Variants in GLDC observed in about 807,000 individuals in gnomAD.
The protein encoded by GLDC is glycine decarboxylase, also known as glycine dehydrogenase (decarboxylating), mitochondrial.
In GLDC, 104 loss-of-function variants were observed where a neutral mutation model predicts 121.3. That is an observed-to-expected ratio of 0.86 (90% CI 0.73 to 1.01). GLDC has a LOEUF of 1.01. Ranked by LOEUF, GLDC falls within the 50% of genes least tolerant of loss-of-function variation. GLDC has a pLI of 0.00. For missense variants in GLDC, 1,429 were observed against 1,306.6 expected (o/e 1.09, Z -1.44); for synonymous variants, 546 against 480.6 (o/e 1.14, Z -1.78).
intron 4 of GLDC, among the ~76,000 whole-genome samples, chr9:6,609,578 A>G (rs10125015): frequency 0.25 from 38,598 of 151,716 alleles, 5,088 homozygotes; most frequent in South Asian, 0.31. Flanking sequence ...GTTATGGGGG[A>G]GATCCTCACG....
intron 21 of GLDC, among the ~76,000 whole-genome samples, chr9:6,546,472 T>C (rs905839396): frequency 1.3e-5 from 2 of 150,892 alleles, no homozygotes; most frequent in African/African-American, 4.9e-5. Context: ...ACTGCTGGGA[T>C]TGCAGGCATG....
chr9:6,562,579 A>G (rs1014145648), intron 16 of GLDC, among the ~76,000 whole-genome samples: 1 of 152,132 alleles, frequency 6.6e-6, no homozygotes, highest in African/African-American at 2.4e-5. Context: ...TTTTTTTTTG[A>G]GAGGGAGTCT....
chr9:6,644,058 A>AAAAAG (rs1474161849), intron 2 of GLDC, among the ~76,000 whole-genome samples: 1 of 145,524 alleles, frequency 6.9e-6, no homozygotes, highest in Non-Finnish European at 1.5e-5. Flanking sequence ...AAACGAAAAA[A>AAAAAG]AAAAGAAAAG....
rs764507389 is a variant in GLDC, at chr9:6,540,039, A to G, written c.2665+12T>C. The G allele has an allele frequency of 6.4e-7, 1 of 1,573,162 alleles. No homozygotes were observed. Among genetic ancestry groups the G allele is most frequent in the East Asian group, 2.2e-5 (1 of 44,672 alleles). On this transcript the variant is annotated intron_variant, in intron 22 of 24. Coordinates refer to ENST00000321612, the MANE Select transcript of GLDC (RefSeq NM_000170.3). Reference sequence around the variant, plus strand: ...AGCATGGGCGGCGGCATGAATGTCAAAAGCCACTTACCATAATCCTGGAGT... The same window carrying G: ...AGCATGGGCGGCGGCATGAATGTCAGAAGCCACTTACCATAATCCTGGAGT...
At chr9:6,585,694 G>C (rs1234190300) in intron 15 of GLDC, among the ~76,000 whole-genome samples, 2 of 152,188 alleles carry the variant, frequency 1.3e-5, no homozygotes, top group Admixed American at 1.3e-4. Flanking sequence ...TCAACTCTGA[G>C]GCTGCTGGTA....
chr9:6,546,686 A>T (rs1463636213), intron 21 of GLDC, among the ~76,000 whole-genome samples: 13 of 151,910 alleles, frequency 8.6e-5, no homozygotes, highest in Admixed American at 8.5e-4. Flanking sequence ...TGGGGGCCAG[A>T]CGCAGTGGCT....
chr9:6,550,264 C>T (rs937492140), intron 21 of GLDC, among the ~76,000 whole-genome samples: 1 of 152,116 alleles, frequency 6.6e-6, no homozygotes, highest in East Asian at 1.9e-4. Context: ...CTTTATTGAC[C>T]TGGGCTGCTG....
chr9:6,618,243 C>G (rs189983587), intron 3 of GLDC, among the ~76,000 whole-genome samples: 2 of 152,230 alleles, frequency 1.3e-5, no homozygotes, highest in East Asian at 1.9e-4. Context: ...TAAAATGGCA[C>G]CAATCCAAAA....
At chr9:6,534,916 A>C (rs1210865677) in intron 23 of GLDC, 128 bp from the exon 24 acceptor site, 3 of 693,836 alleles carry the variant, frequency 4.3e-6, no homozygotes, top group Non-Finnish European at 8.1e-6. Context: ...CTTTCAATTT[A>C]GGGGGGTACA....
chr9:6,593,308 T>A (rs1725206139), intron 9 of GLDC, among the ~76,000 whole-genome samples: 1 of 151,138 alleles, frequency 6.6e-6, no homozygotes, highest in Non-Finnish European at 1.5e-5. Flanking sequence ...TTTTTTTTTT[T>A]GAGAGATACA....
intron 8 of GLDC, among the ~76,000 whole-genome samples, chr9:6,599,309 C>A (rs1818552459): frequency 6.6e-6 from 1 of 152,002 alleles, no homozygotes; most frequent in African/African-American, 2.4e-5. Flanking sequence ...CAGACGGAAA[C>A]CTGGAGGAAC....
Position 6,604,595 on chromosome 9 carries a change from C to A in GLDC, c.1051G>T (p.Val351Leu). 6.2e-7 allele frequency: 1 copy of A among 1,611,602 alleles called. No homozygotes were observed. The highest frequency in any genetic ancestry group is 8.5e-7 in the Non-Finnish European group (1 of 1,179,254). Residue 351 changes from valine (V) to leucine (L), a missense_variant, in exon 7 of 25, where the codon GTA becomes TTA. Physicochemically the swap from Val to Leu is conservative, Grantham distance 32 (BLOSUM62 1). Transcript: ENST00000321612. ...AAACATGAGCCCCTTTACCTTGTTACCCCCACCATTCTTCCAGGCATCATT... is the reference window on the plus strand; with the variant it reads ...AAACATGAGCCCCTTTACCTTGTTAACCCCACCATTCTTCCAGGCATCATT... ...VRMMPGRMVG[V>L]TRDATGKEVY...
At chr9:6,627,164 C>T (rs1367721310) in intron 2 of GLDC, among the ~76,000 whole-genome samples, 4 of 151,694 alleles carry the variant, frequency 2.6e-5, no homozygotes, top group African/African-American at 9.7e-5. Flanking sequence ...GGTGTGTTGG[C>T]GGGCACCTGT....
chr9:6,541,661 A>G (rs1294232282), intron 21 of GLDC: 2 of 150,592 alleles, frequency 1.3e-5, no homozygotes, highest in African/African-American at 2.4e-5. Context: ...TGTCTCTACG[A>G]AAAAAAAATT....
At chr9:6,573,634 T>C (rs1818008041) in intron 15 of GLDC, among the ~76,000 whole-genome samples, 1 of 152,154 alleles carries the variant, frequency 6.6e-6, no homozygotes, top group African/African-American at 2.4e-5. Flanking sequence ...CGTAAGGGTT[T>C]GGTGTTGGAC....
intron 5 of GLDC, chr9:6,605,924 C>A (rs1818721113): frequency 1.2e-5 from 2 of 161,292 alleles, no homozygotes; most frequent in African/African-American, 4.8e-5. Flanking sequence ...CACACAAAAT[C>A]TTAACAGTTG....
At chr9:6,557,831 TTAA>T (rs1407063186) in intron 17 of GLDC, 1 of 154,296 alleles carries the variant, frequency 6.5e-6, no homozygotes, top group Non-Finnish European at 1.4e-5. Flanking sequence ...ATGGAGGGAC[TTAA>T]TAATTTCAAC....
At chr9:6,629,929 CTATA>C (rs771840710) in intron 2 of GLDC, among the ~76,000 whole-genome samples, 52 of 102,066 alleles carry the variant, frequency 5.1e-4, no homozygotes, top group Non-Finnish European at 7.0e-4. Context: ...TTGCTTTTCA[CTATA>C]TATATATATA....
chr9:6,590,380 C>G (rs571865741), intron 11 of GLDC, among the ~76,000 whole-genome samples: 1 of 152,254 alleles, frequency 6.6e-6, no homozygotes, highest in Admixed American at 6.5e-5. Context: ...TTGTCCCCTC[C>G]AGATCTCAGG....
Sources: gnomAD v4.1 joint callset for allele counts (sites outside exome capture counted in the v4.1 genomes callset) on GRCh38, gnomAD v4.1.1 for gene constraint, MANE v1.5 for transcripts, NCBI Gene and HGNC (gene_info 2026-07-23, HGNC 2026-07-21) for gene names.